The following INPP5J variants were observed in gnomAD, a reference collection of about 807,000 sequenced individuals.
The protein encoded by INPP5J is phosphatidylinositol 4,5-bisphosphate 5-phosphatase A.
INPP5J carries 75 observed loss-of-function variants against 86.6 expected under a neutral mutation model. The ratio of observed to expected loss-of-function variants is 0.87; its 90% CI spans 0.72 to 1.05. INPP5J has a LOEUF of 1.05. INPP5J is among the 50% of genes least tolerant of loss of function. The pLI is 0.00. For synonymous variants in INPP5J, 540 were observed against 550.0 expected (o/e 0.98, Z 0.25); for missense variants, 1,229 against 1,341.2 (o/e 0.92, Z 1.31).
chr22:31,130,750 A>G (rs1156697930), intron 9 of INPP5J, among the ~76,000 whole-genome samples: 2 of 152,240 alleles, frequency 1.3e-5, no homozygotes, highest in African/African-American at 4.8e-5. Context: ...TAAAAAATAC[A>G]AAGCTGAACT....
Position 31,125,307 on chromosome 22 carries a change from GC to G in INPP5J, c.569del (p.Ala190ValfsTer195). 6.4e-7 allele frequency: 1 copy of G among 1,550,454 alleles called. No homozygotes were observed. Among genetic ancestry groups the G allele is most frequent in the South Asian group, 1.2e-5 (1 of 84,052 alleles). ...LAASGLSLAL[A>X]SEEQPPELPS... ...AGCCTCTGGCCTGAGCCTGGCCCTG[GC>G]TTCTGAGGAGCAGCCCCCAGAACTC... On this transcript the variant is annotated frameshift_variant, in exon 2 of 13. Transcript: ENST00000331075. LOFTEE classifies it high-confidence loss of function.
chr22:31,126,698 C>A lies in INPP5J; in HGVS notation c.1471C>A (p.Leu491Ile), dbSNP rs11703652. 1 of 1,613,792 alleles carries A rather than the reference C, an allele frequency of 6.2e-7. No homozygotes were observed. The change falls in exon 4 of 13, where the codon CTA (leucine) becomes ATA (isoleucine). Residue 491 changes from leucine (L) to isoleucine (I), a missense_variant. By Grantham distance (5) the Leu-to-Ile change is conservative. Transcript: ENST00000331075. ...DQWSELFMDA[L>I]GPFNFVLVSS... ...GTGGAGTGAGCTGTTCATGGATGCG[C>A]TAGGGCCCTTCAACTTCGTGCTGGT...
intron 10 of INPP5J, 71 bp from the exon 11 acceptor site, chr22:31,133,335 C>G (rs952510239): frequency 8.5e-5 from 135 of 1,587,934 alleles, no homozygotes; most frequent in Middle Eastern, 1.7e-4. Flanking sequence ...GATCTTGATG[C>G]CACACTGGGA....
At position 31,126,360 on chromosome 22, in the gene INPP5J, A is replaced by T. The variant is rs1229138213; in HGVS notation, c.1272-16A>T. The T allele has an allele frequency of 6.3e-7, 1 of 1,596,264 alleles. No individual in the cohort carries two copies. The highest frequency in any genetic ancestry group is 1.3e-5 in the African/African-American group (1 of 74,548). On this transcript the variant is annotated splice_polypyrimidine_tract_variant and intron_variant, in intron 2 of 12. Coordinates refer to ENST00000331075, the MANE Select transcript of INPP5J (RefSeq NM_001284285.2). Reference sequence around the variant, plus strand: ...AGTGGTGCCAGGACTACACCCTCATATGCCCCTGCCCTCAGGATCACTGTG... The same window carrying T: ...AGTGGTGCCAGGACTACACCCTCATTTGCCCCTGCCCTCAGGATCACTGTG...
At position 31,134,411 on chromosome 22, in the gene INPP5J, G is replaced by A. The variant is rs562909231; in HGVS notation, c.3013G>A (p.Gly1005Arg). Reference protein sequence around the residue: ...GHRGLEEGGLGP With the variant: ...GHRGLEEGGLRP ...TCGGGGGCTGGAGGAAGGGGGCCTG[G>A]GGCCCTGAGGGTGGGGTAGGCAGAT... The change falls in exon 13 of 13, where the codon GGG becomes AGG. Residue 1005 changes from glycine (G) to arginine (R), a missense_variant. By Grantham distance (125) the Gly-to-Arg change is moderately radical. Transcript: ENST00000331075. The A allele has an allele frequency of 1.4e-6, 2 of 1,457,680 alleles. No individual in the cohort carries two copies. Among genetic ancestry groups the A allele is most frequent in the Admixed American group, 2.7e-5 (1 of 37,270 alleles). 90.3% of individuals were successfully genotyped at this position (1,457,680 alleles called of 1,614,324 possible). A position where few individuals can be genotyped will look rare whatever the true frequency, so the allele number is the denominator to read the frequency against.
At chr22:31,128,427 T>G in intron 8 of INPP5J, 44 bp from the exon 9 acceptor site, 1 of 1,605,982 alleles carries the variant, frequency 6.2e-7, no homozygotes, top group Non-Finnish European at 8.5e-7. Flanking sequence ...GGTTACATCT[T>G]GATCCCCAGC....
chr22:31,134,223 C>T lies in INPP5J; in HGVS notation c.2825C>T (p.Ser942Phe), dbSNP rs1922378530. Residue 942 changes from serine to phenylalanine, a missense_variant, in exon 13 of 13, where the codon TCT becomes TTT. By Grantham distance (155) the Ser-to-Phe change is radical. Transcript: ENST00000331075. ...SSRGSSEEGP[S>F]GLPGPWAFPP... Reference sequence around the variant, plus strand: ...CGGGGCAGTAGTGAAGAGGGGCCCTCTGGGTTGCCTGGCCCCTGGGCCTTC... The same window carrying T: ...CGGGGCAGTAGTGAAGAGGGGCCCTTTGGGTTGCCTGGCCCCTGGGCCTTC... The T allele has an allele frequency of 1.3e-6, 2 of 1,549,872 alleles. No individual in the cohort carries two copies. Among genetic ancestry groups the T allele is most frequent in the Non-Finnish European group, 1.7e-6 (2 of 1,146,730 alleles).
chr22:31,132,978 C>A, intron 9 of INPP5J, 120 bp from the exon 10 acceptor site: 1 of 1,317,672 alleles, frequency 7.6e-7, no homozygotes, highest in Non-Finnish European at 1.0e-6. Flanking sequence ...CTCAGTTTCC[C>A]AGTCTGTAAA....
Position 31,127,965 on chromosome 22 carries a change from T to G in INPP5J, c.1802T>G (p.Phe601Cys), listed in dbSNP as rs1329267922. The change falls in exon 7 of 13, where the codon TTC (phenylalanine) becomes TGC (cysteine). Residue 601 changes from phenylalanine to cysteine, a missense_variant. By Grantham distance (205) the Phe-to-Cys change is radical (BLOSUM62 -2). Coordinates refer to ENST00000331075, the MANE Select transcript of INPP5J (RefSeq NM_001284285.2). ...GILDHDLVFW[F>C]GDLNFRIESY... Reference sequence around the variant, plus strand: ...ACCCCAAACAGCCTCGTGTTCTGGTTCGGGGACCTGAACTTCCGCATTGAG... The same window carrying G: ...ACCCCAAACAGCCTCGTGTTCTGGTGCGGGGACCTGAACTTCCGCATTGAG... 3.2e-6 allele frequency: 5 copies of G among 1,570,638 alleles called. No individual in the cohort carries two copies. The Admixed American group carries it at 8.6e-5, about 27-fold the overall frequency.
chr22:31,125,531 C>G lies in INPP5J; in HGVS notation c.792C>G (p.Gly264=), dbSNP rs539634046. Residue 264 remains glycine, a synonymous_variant, in exon 2 of 13, where the codon GGC becomes GGG. Transcript: ENST00000331075. ...CAGCTCAGACATCTGGTCCTACAGG[C>G]TCCCCACCCTGCATCCAAACCTCCC... ...QPPAQTSGPT[G]SPPCIQTSPD... The G allele has an allele frequency of 3.9e-6, 6 of 1,550,544 alleles. No individual in the cohort carries two copies. The East Asian group carries it at 1.5e-4, about 38-fold the overall frequency.
Position 31,127,348 on chromosome 22 carries a change from C to A in INPP5J, c.1612-9C>A. 2 of 1,601,592 alleles carry A rather than the reference C, an allele frequency of 1.2e-6. No individual in the cohort carries two copies. Among genetic ancestry groups the A allele is most frequent in the Non-Finnish European group, 1.7e-6 (2 of 1,173,636 alleles). On this transcript the variant is annotated splice_polypyrimidine_tract_variant and intron_variant, in intron 5 of 12. Coordinates refer to ENST00000331075, the MANE Select transcript of INPP5J (RefSeq NM_001284285.2). Reference sequence around the variant, plus strand: ...CCCGCCCATGAGCCATCCGACCCTGCCTCCCTAGGGTAACAAGGGTGGCGT... The same window carrying A: ...CCCGCCCATGAGCCATCCGACCCTGACTCCCTAGGGTAACAAGGGTGGCGT...
At chr22:31,128,921 C>A (rs762268260) in intron 9 of INPP5J, among the ~76,000 whole-genome samples, 2 of 143,520 alleles carry the variant, frequency 1.4e-5, no homozygotes, top group Admixed American at 7.6e-5. Context: ...AGAGCCCATG[C>A]CTTTTCTTTT....
In INPP5J at chr22:31,134,390, G is replaced by A. The variant is rs1279591079; in HGVS notation, c.2992G>A (p.Gly998Arg). Residue 998 changes from glycine (G) to arginine (R), a missense_variant, in exon 13 of 13, where the codon GGG (glycine) becomes AGG (arginine). Transcript: ENST00000331075. ...SLSPSPQGHR[G>R]LEEGGLGP is the part of the protein sequence containing the mutation. ...GTCTCCTAGTCCCCAGGGCCATCGG[G>A]GGCTGGAGGAAGGGGGCCTGGGGCC... The A allele has an allele frequency of 2.7e-6, 4 of 1,474,296 alleles. No homozygotes were observed. Among genetic ancestry groups the A allele is most frequent in the Non-Finnish European group, 2.7e-6 (3 of 1,111,260 alleles). The allele number at this position is 1,474,296 out of a possible 1,614,324, so 91.3% of individuals were successfully genotyped here.
At position 31,134,487 on chromosome 22, in the gene INPP5J, T is replaced by A; in HGVS notation, c.*68T>A. On this transcript the variant is annotated 3_prime_UTR_variant, in exon 13 of 13. Transcript: ENST00000331075. Reference sequence around the variant, plus strand: ...TCAATCTTTTGCAAGCCCACCTGCCTCTCTCCTGCTGCTCCTCCAGCTGTA... The same window carrying A: ...TCAATCTTTTGCAAGCCCACCTGCCACTCTCCTGCTGCTCCTCCAGCTGTA... 1 of 1,378,882 alleles carries A rather than the reference T, an allele frequency of 7.3e-7. No homozygotes were observed. The highest frequency in any genetic ancestry group is 9.5e-7 in the Non-Finnish European group (1 of 1,052,674). 85.4% of individuals were successfully genotyped at this position (1,378,882 alleles called of 1,614,324 possible).
At position 31,134,339 on chromosome 22, in the gene INPP5J, C is replaced by T. The variant is rs185902428; in HGVS notation, c.2941C>T (p.Arg981Trp). The T allele has an allele frequency of 1.0e-5, 16 of 1,543,678 alleles. No individual in the cohort carries two copies. The highest frequency in any genetic ancestry group is 2.4e-5 in the East Asian group (1 of 41,180). ...TGGTGGTGGCTCCTGGGGACCTGAT[C>T]GGGAGGCCCTGGCGCCCAACAGCCT... Reference protein sequence around the residue: ...PGGGGSWGPDREALAPNSLSP... With the variant: ...PGGGGSWGPDWEALAPNSLSP... The change falls in exon 13 of 13, where the codon CGG becomes TGG. Residue 981 changes from arginine (R) to tryptophan (W), a missense_variant. Physicochemically the swap from Arg to Trp is moderately radical, Grantham distance 101. Transcript: ENST00000331075.
chr22:31,127,072 C>A, intron 5 of INPP5J, 35 bp downstream of exon 5: 1 of 1,400,156 alleles, frequency 7.1e-7, no homozygotes, highest in Non-Finnish European at 9.9e-7. Flanking sequence ...GAGGATGGGA[C>A]ATGAAGGGGG....
Position 31,126,374 on chromosome 22 carries a change from A to C in INPP5J, c.1272-2A>C. The C allele has an allele frequency of 1.2e-6, 2 of 1,610,968 alleles. No homozygotes were observed. Among genetic ancestry groups the C allele is most frequent in the Non-Finnish European group, 1.7e-6 (2 of 1,177,524 alleles). ...TACACCCTCATATGCCCCTGCCCTC[A>C]GGATCACTGTGGTCACATGGAACGT... is the stretch of plus-strand genomic sequence containing the variant. On this transcript the variant is annotated splice_acceptor_variant, in intron 2 of 12. Coordinates refer to ENST00000331075, the MANE Select transcript of INPP5J (RefSeq NM_001284285.2). LOFTEE classifies it high-confidence loss of function.
intron 12 of INPP5J, 43 bp from the exon 13 acceptor site, chr22:31,133,870 G>C: frequency 6.3e-7 from 1 of 1,599,758 alleles, no homozygotes; most frequent in Non-Finnish European, 8.5e-7. Context: ...CTCAGTGGCT[G>C]GGTTGGGGAG....
intron 9 of INPP5J, among the ~76,000 whole-genome samples, chr22:31,131,973 G>A (rs1296148604): frequency 1.3e-5 from 2 of 152,216 alleles, no homozygotes; most frequent in African/African-American, 4.8e-5. Flanking sequence ...CTTCCCTGAG[G>A]GACAGAGGTG....
Sources: allele counts gnomAD v4.1 joint callset (sites outside exome capture counted in the v4.1 genomes callset), GRCh38; gene constraint gnomAD v4.1.1; transcripts MANE v1.5; gene names NCBI Gene and HGNC (gene_info 2026-07-23, HGNC 2026-07-21).